The following ST18 variants were observed in gnomAD, a reference collection of about 807,000 sequenced individuals.
ST18 encodes the protein ST18 C2H2C-type zinc finger transcription factor, also known as suppression of tumorigenicity 18 protein.
Under a neutral mutation model 110.0 loss-of-function variants are expected in ST18, and 50 were observed. The ratio of observed to expected loss-of-function variants is 0.45; its 90% CI spans 0.36 to 0.58. The LOEUF (loss-of-function observed/expected upper bound fraction) is 0.58, where lower values mean the gene tolerates loss of function less well. ST18 is among the 20% of genes least tolerant of loss of function. ST18 has a pLI of 0.00. For synonymous variants in ST18, 461 were observed against 452.4 expected (o/e 1.02, Z -0.24); for missense variants, 1,306 against 1,280.1 (o/e 1.02, Z -0.31).
At chr8:52,148,277 T>C (rs2057893552) in intron 16 of ST18, among the ~76,000 whole-genome samples, 1 of 152,004 alleles carries the variant, frequency 6.6e-6, no homozygotes, top group African/African-American at 2.4e-5. Flanking sequence ...TTTGGGTGAA[T>C]TTTGAAAAGC....
chr8:52,153,721 T>C (rs1320588211), intron 15 of ST18, among the ~76,000 whole-genome samples: 2 of 152,212 alleles, frequency 1.3e-5, no homozygotes. Context: ...TTAGCTACTC[T>C]AAGATCTTAA....
At chr8:52,299,537 C>G (rs1168204869) in intron 2 of ST18, among the ~76,000 whole-genome samples, 1 of 152,192 alleles carries the variant, frequency 6.6e-6, no homozygotes, top group Non-Finnish European at 1.5e-5. Flanking sequence ...ATTACCCTCT[C>G]TCAAACATGT....
At chr8:52,326,146 T>A (rs1806288947) in intron 2 of ST18, among the ~76,000 whole-genome samples, 1 of 152,196 alleles carries the variant, frequency 6.6e-6, no homozygotes, top group Non-Finnish European at 1.5e-5. Context: ...CTCAGCTGCT[T>A]ATATTTCTAA....
intron 8 of ST18, among the ~76,000 whole-genome samples, chr8:52,206,051 G>A (rs754737464): frequency 6.6e-6 from 1 of 152,186 alleles, no homozygotes; most frequent in South Asian, 2.1e-4. Context: ...AATATGGCAC[G>A]GCTGCAGGAG....
intron 2 of ST18, among the ~76,000 whole-genome samples, chr8:52,271,040 G>A (rs147644153): frequency 0.038 from 5,812 of 151,406 alleles, 385 homozygotes; most frequent in African/African-American, 0.13. Flanking sequence ...CTGGGACTAC[G>A]GGCGCCCGCC....
At chr8:52,144,875 T>C (rs2056684830) in intron 16 of ST18, among the ~76,000 whole-genome samples, 1 of 152,130 alleles carries the variant, frequency 6.6e-6, no homozygotes, top group African/African-American at 2.4e-5. Flanking sequence ...AAATTCCAAA[T>C]TTTAAGGCCT....
intron 2 of ST18, among the ~76,000 whole-genome samples, chr8:52,283,670 A>G (rs914441826): frequency 2.0e-5 from 3 of 152,144 alleles, no homozygotes; most frequent in African/African-American, 7.2e-5. Context: ...CGTGTTAAAG[A>G]CACTGTTGGC....
chr8:52,316,235 G>GC (rs1213606273), intron 2 of ST18, among the ~76,000 whole-genome samples: 1 of 152,058 alleles, frequency 6.6e-6, no homozygotes, highest in African/African-American at 2.4e-5. Flanking sequence ...CATTGAATGT[G>GC]CCTCCCTTTA....
chr8:52,333,816 G>C (rs989290362), intron 2 of ST18, among the ~76,000 whole-genome samples: 1 of 152,294 alleles, frequency 6.6e-6, no homozygotes, highest in African/African-American at 2.4e-5. Context: ...ACGCCAAATA[G>C]AATATCTCAC....
intron 8 of ST18, among the ~76,000 whole-genome samples, chr8:52,194,075 CT>C (rs541555485): frequency 6.6e-6 from 1 of 151,874 alleles, no homozygotes; most frequent in African/African-American, 2.4e-5. Context: ...CTAATAAATG[CT>C]TTTTTTTCTC....
intron 12 of ST18, among the ~76,000 whole-genome samples, chr8:52,164,353 C>A (rs890636325): frequency 1.3e-5 from 2 of 152,208 alleles, no homozygotes; most frequent in Non-Finnish European, 2.9e-5. Context: ...ATAACTAAAG[C>A]ATTTGGAAAC....
chr8:52,135,568 CAAAAAAAAAAAA>C lies in ST18; in HGVS notation c.2300+1010_2300+1021del, dbSNP rs71252929. 6.2e-3 allele frequency among the ~76,000 whole-genome samples: 346 copies of C among 56,160 alleles called. 1 individual carries two copies. The highest frequency in any genetic ancestry group is 0.018 in the African/African-American group (324 of 17,766). The allele number at this position is 56,160 out of a possible 152,430, so 36.8% of individuals were successfully genotyped here. A position where few individuals can be genotyped will look rare whatever the true frequency, so the allele number is the denominator to read the frequency against. ...GGGCAACAAGACCGAAACTCCATCT[CAAAAAAAAAAAA>C]AAAAAAAAAAAGAAAGAAAGAAAAA... On this transcript the variant is annotated intron_variant, in intron 19 of 25. Transcript: ENST00000689386.
intron 2 of ST18, among the ~76,000 whole-genome samples, chr8:52,236,177 G>T (rs183099541): frequency 1.3e-5 from 2 of 152,274 alleles, no homozygotes; most frequent in East Asian, 3.9e-4. Flanking sequence ...TCTGTACATT[G>T]ACACTGATGA....
At chr8:52,356,474 G>A (rs1388019135) in intron 2 of ST18, among the ~76,000 whole-genome samples, 1 of 152,100 alleles carries the variant, frequency 6.6e-6, no homozygotes, top group East Asian at 1.9e-4. Context: ...CTCACAACAA[G>A]CAGTAGCAAC....
intron 2 of ST18, among the ~76,000 whole-genome samples, chr8:52,379,969 C>T (rs1833909944): frequency 6.6e-6 from 1 of 152,210 alleles, no homozygotes; most frequent in Admixed American, 6.5e-5. Context: ...CAGCTCCTCT[C>T]TCCAGTAAAT....
Position 52,136,599 on chromosome 8 carries a change from T to C in ST18, c.2291A>G (p.Gln764Arg), listed in dbSNP as rs2052458683. ...TLKSLMAANS[Q>R]ELKCPTPGCD... ...CGCTTCCCGCACTTACTTAAGCTCC[T>C]GAGAGTTGGCAGCCATGAGGGATTT... is the stretch of plus-strand genomic sequence containing the variant. The change falls in exon 19 of 26, where the codon CAG (glutamine) becomes CGG (arginine). Residue 764 changes from glutamine (Q) to arginine (R), a missense_variant. Gln to Arg is a conservative substitution (Grantham distance 43). Coordinates refer to ENST00000689386, the MANE Select transcript of ST18 (RefSeq NM_001352837.2). 6.2e-7 allele frequency: 1 copy of C among 1,611,146 alleles called. No individual in the cohort carries two copies. The highest frequency in any genetic ancestry group is 8.5e-7 in the Non-Finnish European group (1 of 1,178,934).
At chr8:52,181,388 GT>G (rs1438088702) in intron 8 of ST18, among the ~76,000 whole-genome samples, 1 of 152,138 alleles carries the variant, frequency 6.6e-6, no homozygotes, top group Non-Finnish European at 1.5e-5. Flanking sequence ...AAATGATTCG[GT>G]TATAGTCACA....
At chr8:52,334,504 A>G (rs1811139078) in intron 2 of ST18, among the ~76,000 whole-genome samples, 1 of 152,212 alleles carries the variant, frequency 6.6e-6, no homozygotes, top group Non-Finnish European at 1.5e-5. Flanking sequence ...AAATGTATAC[A>G]AGGATAACTA....
chr8:52,233,235 A>T (rs764602018), intron 2 of ST18, among the ~76,000 whole-genome samples: 3 of 152,206 alleles, frequency 2.0e-5, no homozygotes, highest in Non-Finnish European at 4.4e-5. Context: ...TATATAAATC[A>T]GTGGAGTCCT....
Sources: allele counts gnomAD v4.1 joint callset (sites outside exome capture counted in the v4.1 genomes callset), GRCh38; gene constraint gnomAD v4.1.1; transcripts MANE v1.5; gene names NCBI Gene and HGNC (gene_info 2026-07-23, HGNC 2026-07-21).